The following MYO1E variants were observed in gnomAD, a reference collection of about 807,000 sequenced individuals.
MYO1E encodes unconventional myosin-Ie.
In MYO1E, 68 loss-of-function variants were observed where a neutral mutation model predicts 151.1. The observed-to-expected ratio is 0.45, with a 90% CI of 0.37 to 0.55. The LOEUF is 0.55. Ranked by LOEUF, MYO1E falls within the 20% of genes least tolerant of loss-of-function variation. The pLI is 0.00. For missense variants in MYO1E, 1,363 were observed against 1,389.3 expected (o/e 0.98, Z 0.30); for synonymous variants, 601 against 501.7 (o/e 1.20, Z -2.64).
chr15:59,277,930 T>C (rs981443607), intron 1 of MYO1E, among the ~76,000 whole-genome samples: 13 of 152,238 alleles, frequency 8.5e-5, no homozygotes, highest in Admixed American at 2.6e-4. Flanking sequence ...CCTGGAGTTT[T>C]AGGAGAAATG....
At chr15:59,253,901 C>CTTTTTTTTTTT (rs34819314) in intron 4 of MYO1E, among the ~76,000 whole-genome samples, 11 of 135,846 alleles carry the variant, frequency 8.1e-5, no homozygotes, top group South Asian at 4.7e-4. Flanking sequence ...GACAAACAAC[C>CTTTTTTTTTTT]TTTTTTTTTT....
In MYO1E at chr15:59,224,734, G is replaced by A; in HGVS notation, c.732C>T (p.Tyr244=). The change falls in exon 8 of 28, where the codon TAC becomes TAT. Residue 244 remains tyrosine (Y), a synonymous_variant. Coordinates refer to ENST00000288235, the MANE Select transcript of MYO1E (RefSeq NM_004998.4). ...GCCTGTCGTCAATGTCATCAACCTTGTATGAGCCCGAGAGGCTCAGGTAGT... is the reference window on the plus strand; with the variant it reads ...GCCTGTCGTCAATGTCATCAACCTTATATGAGCCCGAGAGGCTCAGGTAGT... ...YYYYLSLSGS[Y]KVDDIDDRRE... The A allele has an allele frequency of 6.2e-7, 1 of 1,614,222 alleles. No homozygotes were observed. Among genetic ancestry groups the A allele is most frequent in the Non-Finnish European group, 8.5e-7 (1 of 1,180,030 alleles).
intron 1 of MYO1E, among the ~76,000 whole-genome samples, chr15:59,324,918 GT>G (rs1378990491): frequency 7.9e-6 from 1 of 126,446 alleles, no homozygotes; most frequent in African/African-American, 3.1e-5. Context: ...AGCTGGATTT[GT>G]TTTTACTTTT....
chr15:59,318,655 G>A (rs184023441), intron 1 of MYO1E, among the ~76,000 whole-genome samples: 3 of 152,322 alleles, frequency 2.0e-5, no homozygotes, highest in Non-Finnish European at 4.4e-5. Flanking sequence ...GGGGTAGAGA[G>A]TAGTAGAAGC....
intron 1 of MYO1E, among the ~76,000 whole-genome samples, chr15:59,359,321 TA>T (rs2080872586): frequency 1.4e-5 from 2 of 139,346 alleles, no homozygotes; most frequent in South Asian, 4.4e-4. Flanking sequence ...ATAATATATA[TA>T]TATATTTTTT....
Position 59,202,318 on chromosome 15 carries a change from GAACT to G in MYO1E, c.1698+4_1698+7del, listed in dbSNP as rs766665141. 3.7e-6 allele frequency: 6 copies of G among 1,611,468 alleles called. No individual in the cohort carries two copies. Among genetic ancestry groups the G allele is most frequent in the Non-Finnish European group, 5.1e-6 (6 of 1,177,612 alleles). ...AAGAATCTATAAACTTCCTAAAATA[GAACT>G]AACCTTTATTTTGCTTCCGGCAGTA... On this transcript the variant is annotated splice_donor_5th_base_variant and intron_variant, in intron 16 of 27. Coordinates refer to ENST00000288235, the MANE Select transcript of MYO1E (RefSeq NM_004998.4).
chr15:59,253,917 T>TTTTTTTTTTTTTTTTTTTTTTTTTTTTTA (rs57506446), intron 4 of MYO1E, among the ~76,000 whole-genome samples: 1 of 150,098 alleles, frequency 6.7e-6, no homozygotes, highest in African/African-American at 2.5e-5. Context: ...TTTTTTTTTT[T>TTTTTTTTTTTTTTTTTTTTTTTTTTTTTA]AACAAAGCCA....
At chr15:59,209,555 A>T (rs1288095973) in intron 13 of MYO1E, among the ~76,000 whole-genome samples, 2 of 151,982 alleles carry the variant, frequency 1.3e-5, no homozygotes, top group African/African-American at 4.8e-5. Flanking sequence ...GGGCGCCTGT[A>T]ATCCCAGCTA....
chr15:59,178,659 T>C, intron 18 of MYO1E, 122 bp from the exon 19 acceptor site: 1 of 1,311,290 alleles, frequency 7.6e-7, no homozygotes, highest in Middle Eastern at 2.3e-4. Flanking sequence ...ACTGATCATC[T>C]GTTTACCAGC....
chr15:59,284,075 C>T (rs979916951), intron 1 of MYO1E, among the ~76,000 whole-genome samples: 1 of 152,258 alleles, frequency 6.6e-6, no homozygotes, highest in Non-Finnish European at 1.5e-5. Flanking sequence ...GAGGAAGTTC[C>T]GTGCCCTGGA....
intron 2 of MYO1E, among the ~76,000 whole-genome samples, chr15:59,262,228 AT>A (rs1461058817): frequency 1.5e-4 from 23 of 151,902 alleles, no homozygotes; most frequent in Non-Finnish European, 3.4e-4. Flanking sequence ...ATAAAAAAAA[AT>A]ATTCATCTAC....
intron 1 of MYO1E, among the ~76,000 whole-genome samples, chr15:59,336,645 G>C (rs1328560082): frequency 6.6e-6 from 1 of 152,102 alleles, no homozygotes; most frequent in East Asian, 1.9e-4. Flanking sequence ...TACATTTGCA[G>C]AACGTGCGGG....
intron 10 of MYO1E, among the ~76,000 whole-genome samples, chr15:59,215,514 T>C (rs1336626783): frequency 6.6e-6 from 1 of 152,012 alleles, no homozygotes; most frequent in African/African-American, 2.4e-5. Flanking sequence ...TGGGAACAGA[T>C]GTAATGACAG....
At chr15:59,236,764 A>C in intron 4 of MYO1E, 92 bp from the exon 5 acceptor site, 9 of 1,190,082 alleles carry the variant, frequency 7.6e-6, no homozygotes, top group Non-Finnish European at 1.1e-5. Context: ...AAACAAACAA[A>C]CAAAAAAACA....
intron 4 of MYO1E, among the ~76,000 whole-genome samples, chr15:59,239,844 T>C (rs1002721917): frequency 2.0e-5 from 3 of 152,194 alleles, no homozygotes; most frequent in Non-Finnish European, 2.9e-5. Flanking sequence ...TATGGTACAA[T>C]AATGGAATGT....
At chr15:59,236,369 TACACACACACACACACACACAC>T (rs56164138) in intron 5 of MYO1E, among the ~76,000 whole-genome samples, 194 bp downstream of exon 5, 1,409 of 117,758 alleles carry the variant, frequency 0.012, 43 homozygotes, top group East Asian at 0.073. Flanking sequence ...AAAAAATATA[TACACACACACACACACACACAC>T]ACACACACAC....
chr15:59,271,207 A>G (rs912587169), intron 2 of MYO1E: 1 of 152,226 alleles, frequency 6.6e-6, no homozygotes, highest in African/African-American at 2.4e-5. Context: ...TGCAAAAGTT[A>G]TTACTGCAAA....
intron 1 of MYO1E, among the ~76,000 whole-genome samples, chr15:59,353,369 A>G (rs201845948): frequency 2.1e-5 from 2 of 96,848 alleles, no homozygotes; most frequent in African/African-American, 8.5e-5. Context: ...AAAAAAAAAA[A>G]AAAAGAAAAG....
chr15:59,141,380 C>A (rs2079408089), intron 26 of MYO1E, among the ~76,000 whole-genome samples: 1 of 152,242 alleles, frequency 6.6e-6, no homozygotes, highest in Non-Finnish European at 1.5e-5. Flanking sequence ...AACCTATGCA[C>A]ATCCTCCTGT....
Sources: allele counts gnomAD v4.1 joint callset (sites outside exome capture counted in the v4.1 genomes callset), GRCh38; gene constraint gnomAD v4.1.1; transcripts MANE v1.5; gene names NCBI Gene and HGNC (gene_info 2026-07-23, HGNC 2026-07-21).